The following UPF2 variants were observed in gnomAD, a reference collection of about 807,000 sequenced individuals.
The protein encoded by UPF2 is regulator of nonsense transcripts 2.
Under a neutral mutation model 141.4 loss-of-function variants are expected in UPF2, and 17 were observed. The observed-to-expected ratio is 0.12, with a 90% CI of 0.08 to 0.18. The LOEUF is 0.18. Among genes scored for constraint, UPF2 ranks in the 10% least tolerant of loss-of-function variants. The pLI is 1.00. For missense variants in UPF2, 1,152 were observed against 1,515.9 expected, an observed-to-expected ratio of 0.76 and a Z score of 3.99; for synonymous variants, 540 against 498.0, an observed-to-expected ratio of 1.08 and a Z score of -1.12.
rs1794766570 is a variant in UPF2, at chr10:11,980,904, T to C, written c.1845-1739A>G. On this transcript the variant is annotated intron_variant, in intron 8 of 21. Coordinates refer to ENST00000357604, the MANE Select transcript of UPF2 (RefSeq NM_015542.4). The surrounding 1 kb of genome is among the most constrained non-coding windows in gnomAD (Gnocchi z 4.2). ...GAAGGATGGAAATAAATTTGAAAGG[T>C]ATGGTTAGGCTGGGCATGGTGGTCA... is the stretch of plus-strand genomic sequence containing the variant. Among the ~76,000 whole-genome samples the C allele has an allele frequency of 6.6e-6, 1 of 151,988 alleles. No homozygotes were observed. Among genetic ancestry groups the C allele is most frequent in the Non-Finnish European group, 1.5e-5 (1 of 67,988 alleles).
intron 21 of UPF2, among the ~76,000 whole-genome samples, chr10:11,924,787 T>C (rs556435953): frequency 6.6e-6 from 1 of 152,110 alleles, no homozygotes; most frequent in East Asian, 1.9e-4. Context: ...TCCAAATAAA[T>C]TTCCCTTTAT....
intron 3 of UPF2, among the ~76,000 whole-genome samples, chr10:12,018,130 CATT>C (rs1160573308): frequency 2.6e-4 from 39 of 152,252 alleles, no homozygotes; most frequent in African/African-American, 9.1e-4. Flanking sequence ...AGAAATAACT[CATT>C]ATAGTGCCTG....
chr10:11,955,894 G>A (rs1324678351), intron 13 of UPF2, among the ~76,000 whole-genome samples: 1 of 152,186 alleles, frequency 6.6e-6, no homozygotes, highest in Non-Finnish European at 1.5e-5. Context: ...TGTAATCCCA[G>A]CATTTTGGGA....
At position 12,014,159 on chromosome 10, in the gene UPF2, G is replaced by C. The variant is rs779004718; in HGVS notation, c.1171C>G (p.Leu391Val). Residue 391 changes from leucine (L) to valine (V), a missense_variant, in exon 4 of 22, where the codon CTC becomes GTC. Leu to Val is a conservative substitution (Grantham distance 32). Transcript: ENST00000357604. The surrounding 1 kb of genome is among the most constrained non-coding windows in gnomAD (Gnocchi z 5.0). ...TACTGTTTATGTCTATCTTCACTGA[G>C]CTCCCCTTTAGAATGTAGAATGCGC... ...NRRILHSKGE[L>V]SEDRHKQYEE... The C allele has an allele frequency of 6.6e-7, 1 of 1,521,442 alleles. No individual in the cohort carries two copies. Among genetic ancestry groups the C allele is most frequent in the South Asian group, 1.3e-5 (1 of 77,584 alleles). 94.2% of individuals were successfully genotyped at this position (1,521,442 alleles called of 1,614,324 possible).
At chr10:11,964,178 G>A in intron 10 of UPF2, 53 bp from the exon 11 acceptor site, 2 of 1,344,624 alleles carry the variant, frequency 1.5e-6, no homozygotes, top group East Asian at 4.7e-5. Flanking sequence ...AATCCTAGTA[G>A]AGAAGAAATT....
intron 1 of UPF2, among the ~76,000 whole-genome samples, chr10:12,040,663 A>C (rs1834720849): frequency 6.6e-6 from 1 of 152,184 alleles, no homozygotes; most frequent in African/African-American, 2.4e-5. Flanking sequence ...TGAAAACAAC[A>C]TACATGGGCT....
In UPF2 at chr10:11,956,188, T is replaced by C; in HGVS notation, c.2574+132A>G. The C allele has an allele frequency of 2.2e-6, 2 of 897,572 alleles. No homozygotes were observed. The highest frequency in any genetic ancestry group is 3.4e-6 in the Non-Finnish European group (2 of 586,848). 55.6% of individuals were successfully genotyped at this position (897,572 alleles called of 1,614,324 possible). ...GAGGAAAGTGTTTACAGGAAATTCT[T>C]ATAAAATGATTATCAGCTTTTTCTA... is the stretch of plus-strand genomic sequence containing the variant. On this transcript the variant is annotated intron_variant, in intron 13 of 21. Coordinates refer to ENST00000357604, the MANE Select transcript of UPF2 (RefSeq NM_015542.4). The surrounding 1 kb of genome is among the most constrained non-coding windows in gnomAD (Gnocchi z 4.2).
In UPF2 at chr10:12,016,300, G is replaced by GCAAT. The variant is rs1313897315; in HGVS notation, c.1146-2120_1146-2117dup. ...GCTGGTCTCAAACTCCTGGCCTCAA[G>GCAAT]CAATCCTCCCACCTCAAACTCCCAA... On this transcript the variant is annotated intron_variant, in intron 3 of 21. Coordinates refer to ENST00000357604, the MANE Select transcript of UPF2 (RefSeq NM_015542.4). This position sits in a 1 kb window ranked among gnomAD's most constrained non-coding sequence, Gnocchi z 4.1. Among the ~76,000 whole-genome samples the GCAAT allele has an allele frequency of 1.3e-5, 2 of 152,092 alleles. No homozygotes were observed. The highest frequency in any genetic ancestry group is 3.9e-4 in the East Asian group (2 of 5,190).
Position 11,956,506 on chromosome 10 carries a change from T to C in UPF2, c.2388A>G (p.Arg796=). ...CTTCTTGGTCCTGCCAGGGCAGCTT[T>C]CGCATCTGTCTCAAAACCTAAAAAA... ...VTTEKVLRQM[R]KLPWQDQEVK... is the part of the protein sequence containing the mutation. Residue 796 remains arginine (R), a synonymous_variant, in exon 13 of 22, where the codon CGA becomes CGG. Coordinates refer to ENST00000357604, the MANE Select transcript of UPF2 (RefSeq NM_015542.4). The surrounding 1 kb of genome is among the most constrained non-coding windows in gnomAD (Gnocchi z 4.2). The C allele has an allele frequency of 6.2e-7, 1 of 1,613,712 alleles. No homozygotes were observed. The highest frequency in any genetic ancestry group is 8.5e-7 in the Non-Finnish European group (1 of 1,179,850).
At chr10:12,027,041 T>C (rs982916198) in intron 3 of UPF2, among the ~76,000 whole-genome samples, 1 of 152,200 alleles carries the variant, frequency 6.6e-6, no homozygotes. Context: ...ATAGATTTCC[T>C]ACTTCAAGTA....
At chr10:11,973,933 T>A (rs1833461768) in intron 9 of UPF2, among the ~76,000 whole-genome samples, 1 of 152,196 alleles carries the variant, frequency 6.6e-6, no homozygotes, top group Non-Finnish European at 1.5e-5. Context: ...AAGTCTTTGG[T>A]AGTTTGATGG....
rs554844111 is a variant in UPF2, at chr10:11,956,090, C to T, written c.2574+230G>A. ...TGAACCCAGGAGGAAGAGGTTGCAGCGAGCGGAGATCGTGCCAGTGCACTC... is the reference window on the plus strand; with the variant it reads ...TGAACCCAGGAGGAAGAGGTTGCAGTGAGCGGAGATCGTGCCAGTGCACTC... On this transcript the variant is annotated intron_variant, in intron 13 of 21. Transcript: ENST00000357604. This position sits in a 1 kb window ranked among gnomAD's most constrained non-coding sequence, Gnocchi z 4.2. Among the ~76,000 whole-genome samples the T allele has an allele frequency of 3.0e-4, 45 of 149,754 alleles. No individual in the cohort carries two copies. The highest frequency in any genetic ancestry group is 9.4e-4 in the African/African-American group (38 of 40,606).
chr10:11,935,459 C>G lies in UPF2; in HGVS notation c.3546+1086G>C, dbSNP rs1448869543. On this transcript the variant is annotated intron_variant, in intron 19 of 21. Transcript: ENST00000357604. This position sits in a 1 kb window ranked among gnomAD's most constrained non-coding sequence, Gnocchi z 4.9. ...ACCATATGCAACAAAATCTAACATT[C>G]TATTAATTCTAAGATACACCATTAT... Among the ~76,000 whole-genome samples the G allele has an allele frequency of 6.6e-6, 1 of 152,176 alleles. No individual in the cohort carries two copies. The highest frequency in any genetic ancestry group is 6.5e-5 in the Admixed American group (1 of 15,282).
At chr10:11,923,820 C>A (rs1403943302) in intron 21 of UPF2, among the ~76,000 whole-genome samples, 2 of 152,090 alleles carry the variant, frequency 1.3e-5, no homozygotes, top group South Asian at 2.1e-4. Context: ...GCCTGGGCAA[C>A]AGAACAAGAC....
intron 8 of UPF2, among the ~76,000 whole-genome samples, chr10:11,988,493 T>C (rs1479429217): frequency 6.6e-6 from 1 of 152,070 alleles, no homozygotes; most frequent in Admixed American, 6.6e-5. Flanking sequence ...TTGTAGAGGA[T>C]GGGGTCTCAC....
chr10:11,963,277 G>GT (rs767431232), intron 11 of UPF2, among the ~76,000 whole-genome samples: 1 of 152,140 alleles, frequency 6.6e-6, no homozygotes, highest in African/African-American at 2.4e-5. Context: ...TTTGAAGATG[G>GT]TAATTATATT....
intron 15 of UPF2, among the ~76,000 whole-genome samples, chr10:11,948,965 T>C (rs1833040075): frequency 6.6e-6 from 1 of 152,212 alleles, no homozygotes; most frequent in Admixed American, 6.5e-5. Flanking sequence ...AAATCATATG[T>C]GGCTATCAAT....
chr10:11,998,140 C>G lies in UPF2; in HGVS notation c.1759-383G>C, dbSNP rs1833893579. Reference sequence around the variant, plus strand: ...TAGAAAGCAATACCCCAAAATATGGCTCTTTGGATGCTGAGTACTTCATTT... The same window carrying G: ...TAGAAAGCAATACCCCAAAATATGGGTCTTTGGATGCTGAGTACTTCATTT... On this transcript the variant is annotated intron_variant, in intron 7 of 21. Transcript: ENST00000357604. The surrounding 1 kb of genome is among the most constrained non-coding windows in gnomAD (Gnocchi z 4.5). 6.6e-6 allele frequency among the ~76,000 whole-genome samples: 1 copy of G among 152,148 alleles called. No homozygotes were observed.
In UPF2 at chr10:11,940,569, T is replaced by C. The variant is rs138917745; in HGVS notation, c.3378+2096A>G. Among the ~76,000 whole-genome samples, 538 of 151,580 alleles carry C rather than the reference T, an allele frequency of 3.5e-3. 1 individual carries two copies. The highest frequency in any genetic ancestry group is 0.013 in the African/African-American group (514 of 40,850). ...GTCCCTTGTTTCCTGTCCCAGAGAT[T>C]AGCCAGTGGCCCAATCTGGAAAACC... On this transcript the variant is annotated intron_variant, in intron 18 of 21. Coordinates refer to ENST00000357604, the MANE Select transcript of UPF2 (RefSeq NM_015542.4). This position sits in a 1 kb window ranked among gnomAD's most constrained non-coding sequence, Gnocchi z 4.2.
Sources: allele counts gnomAD v4.1 joint callset (sites outside exome capture counted in the v4.1 genomes callset), GRCh38; gene constraint gnomAD v4.1.1; non-coding constraint Gnocchi (gnomAD v3.1); transcripts MANE v1.5; gene names NCBI Gene and HGNC (gene_info 2026-07-23, HGNC 2026-07-21).